Variants in XRN2 observed in about 807,000 individuals in gnomAD.
The protein encoded by XRN2 is 5'-3' exoribonuclease 2, also known as DHM1-like protein.
XRN2 carries 44 observed loss-of-function variants against 138.5 expected under a neutral mutation model. That is an observed-to-expected ratio of 0.32 (90% CI 0.25 to 0.41). The LOEUF (loss-of-function observed/expected upper bound fraction) is 0.41. Ranked by LOEUF, XRN2 falls within the 10% of genes least tolerant of loss-of-function variation. The pLI is 1.00. For missense variants in XRN2, 937 were observed against 1,169.3 expected (o/e 0.80, Z 2.90); for synonymous variants, 354 against 369.4 (o/e 0.96, Z 0.48).
In XRN2 at chr20:21,340,811, C is replaced by A; in HGVS notation, c.1369C>A (p.Pro457Thr). 1 of 1,613,974 alleles carries A rather than the reference C, an allele frequency of 6.2e-7. No individual in the cohort carries two copies. The part of the protein sequence containing the change: ...NSPGSQVASN[P>T]RQAAYEMRMQ... ...ACCAGGTTCTCAAGTAGCCAGTAAT[C>A]CGAGACAAGCAGCCTATGAAATGAG... is the stretch of plus-strand genomic sequence containing the variant. The change falls in exon 15 of 30, where the codon CCG (proline) becomes ACG (threonine). Residue 457 changes from proline (P) to threonine (T), a missense_variant. Physicochemically the swap from Pro to Thr is conservative, Grantham distance 38 (BLOSUM62 -1). Around this residue, in one of 6 missense-constraint regions of XRN2, gnomAD observed 471 missense variants for 581.2 expected, o/e 0.81. Transcript: ENST00000377191.
chr20:21,362,750 A>C (rs115405173), intron 24 of XRN2, among the ~76,000 whole-genome samples: 1 of 152,080 alleles, frequency 6.6e-6, no homozygotes. Context: ...GCCCTTCTCA[A>C]CTGGAGTTCC....
At chr20:21,356,492 C>T (rs2038577288) in intron 22 of XRN2, 94 bp from the exon 23 acceptor site, 5 of 1,139,356 alleles carry the variant, frequency 4.4e-6, no homozygotes, top group Non-Finnish European at 6.3e-6. Flanking sequence ...CCTTTTGGCT[C>T]TTATGAATGA....
intron 1 of XRN2, among the ~76,000 whole-genome samples, chr20:21,322,438 T>C (rs1045053010): frequency 3.9e-5 from 6 of 152,182 alleles, no homozygotes; most frequent in South Asian, 2.1e-4. Flanking sequence ...TCCAAGCTTC[T>C]TTAAGGGAAA....
At chr20:21,326,188 C>A in intron 1 of XRN2, 91 bp from the exon 2 acceptor site, 1 of 1,306,618 alleles carries the variant, frequency 7.7e-7, no homozygotes, top group Non-Finnish European at 1.1e-6. Flanking sequence ...ATTTCCAGTT[C>A]AGAAATGAAA....
At chr20:21,365,377 G>A in intron 24 of XRN2, 44 bp from the exon 25 acceptor site, 1 of 1,583,254 alleles carries the variant, frequency 6.3e-7, no homozygotes, top group Non-Finnish European at 8.6e-7. Context: ...GATAAGACAG[G>A]CTGATATAAT....
rs35050238 is a variant in XRN2 at position 21,365,603 on chromosome 20, C to T, written c.2355C>T (p.Asp785=). 6.3e-3 allele frequency: 10,216 copies of T among 1,613,070 alleles called. 570 individuals are homozygous for T. In the African/African-American group the frequency reaches 0.12, roughly 19 times the overall value. Residue 785 remains aspartate (D), a synonymous_variant, in exon 26 of 30, where the codon GAC becomes GAT. Coordinates refer to ENST00000377191, the MANE Select transcript of XRN2 (RefSeq NM_012255.5). ...CAGCAGCAGTACTGAAACCTAGTGA[C>T]TGGGAAAAATCCAGCAATGGACGGC... The part of the protein sequence containing the change: ...RKPAAVLKPS[D]WEKSSNGRQW...
At chr20:21,310,128 A>T (rs2037860115) in intron 1 of XRN2, among the ~76,000 whole-genome samples, 1 of 152,198 alleles carries the variant, frequency 6.6e-6, no homozygotes, top group African/African-American at 2.4e-5. Flanking sequence ...AGTGTGCCAC[A>T]AATATTAACA....
chr20:21,335,133 A>C (rs189353314), intron 13 of XRN2, among the ~76,000 whole-genome samples: 1 of 152,344 alleles, frequency 6.6e-6, no homozygotes, highest in East Asian at 1.9e-4. Context: ...TCAAGGGGTC[A>C]CAGTGAGATG....
chr20:21,348,032 A>G (rs1316385256), intron 17 of XRN2, 114 bp from the exon 18 acceptor site: 9 of 828,406 alleles, frequency 1.1e-5, no homozygotes, highest in Non-Finnish European at 1.6e-5. Context: ...GCCAGAAGTC[A>G]TGTGTTTTAT....
intron 24 of XRN2, among the ~76,000 whole-genome samples, chr20:21,358,775 T>A (rs1362527277): frequency 6.6e-6 from 1 of 152,064 alleles, no homozygotes; most frequent in Non-Finnish European, 1.5e-5. Context: ...AATTTTTTGT[T>A]TATCTTTACA....
rs760639472 is a variant in XRN2, at chr20:21,382,090, C to T, written c.2648+33C>T. 6 of 1,562,264 alleles carry T rather than the reference C, an allele frequency of 3.8e-6. No homozygotes were observed. In the Admixed American group the frequency reaches 1.1e-4, roughly 28 times the overall value. On this transcript the variant is annotated intron_variant, in intron 28 of 29. Transcript: ENST00000377191. ...TAAAAGTAGACATGACTTTTAAATA[C>T]TTTCTGACACCAACATTTGGGGTTT...
At chr20:21,352,007 A>AT (rs2038516108) in intron 20 of XRN2, among the ~76,000 whole-genome samples, 1 of 152,194 alleles carries the variant, frequency 6.6e-6, no homozygotes, top group African/African-American at 2.4e-5. Flanking sequence ...TTCCAACTTT[A>AT]TTCATATTCA....
chr20:21,335,844 G>A (rs896435474), intron 13 of XRN2, among the ~76,000 whole-genome samples: 6 of 152,184 alleles, frequency 3.9e-5, no homozygotes, highest in African/African-American at 1.2e-4. Context: ...TAATTAATAC[G>A]ATTTTTCAGC....
chr20:21,309,353 C>CTATT (rs776366733), intron 1 of XRN2, among the ~76,000 whole-genome samples: 27 of 152,022 alleles, frequency 1.8e-4, no homozygotes, highest in Non-Finnish European at 4.0e-4. Context: ...TTGAGGTTAC[C>CTATT]TATTTATTTA....
chr20:21,332,152 G>A lies in XRN2; in HGVS notation c.701-131G>A, dbSNP rs866753149. On this transcript the variant is annotated intron_variant, in intron 8 of 29. Coordinates refer to ENST00000377191, the MANE Select transcript of XRN2 (RefSeq NM_012255.5). Reference sequence around the variant, plus strand: ...ACTGGGAAATGCCAGGAAGTGTCAAGCTTTGGGGCTTTGCTGCTCATTTGG... The same window carrying A: ...ACTGGGAAATGCCAGGAAGTGTCAAACTTTGGGGCTTTGCTGCTCATTTGG... 5 of 1,145,726 alleles carry A rather than the reference G, an allele frequency of 4.4e-6. No individual in the cohort carries two copies. In the African/African-American group the frequency reaches 7.8e-5, roughly 18 times the overall value. The allele number at this position is 1,145,726 out of a possible 1,614,324, so 71.0% of individuals were successfully genotyped here. A position where few individuals can be genotyped will look rare whatever the true frequency, so the allele number is the denominator to read the frequency against.
At chr20:21,386,146 A>G (rs1179180552) in intron 28 of XRN2, among the ~76,000 whole-genome samples, 3 of 152,228 alleles carry the variant, frequency 2.0e-5, no homozygotes, top group Admixed American at 2.0e-4. Flanking sequence ...CTTGAAGACA[A>G]TTAAAACATT....
chr20:21,310,909 A>T (rs2037871669), intron 1 of XRN2, among the ~76,000 whole-genome samples: 1 of 151,408 alleles, frequency 6.6e-6, no homozygotes, highest in Non-Finnish European at 1.5e-5. Flanking sequence ...CACGCCCGGC[A>T]AATTTTTTTG....
At position 21,312,441 on chromosome 20, in the gene XRN2, T is replaced by A. The variant is rs149281057; in HGVS notation, c.75+8968T>A. Among the ~76,000 whole-genome samples the A allele has an allele frequency of 2.0e-5, 3 of 152,178 alleles. No homozygotes were observed. The East Asian group carries it at 5.8e-4, about 30-fold the overall frequency. The stretch of plus-strand genomic sequence containing the variant: ...CATTTTATTCCCTTTGCTCACTTAT[T>A]AAGAACTCTTTACTGATTCAGTCAT... On this transcript the variant is annotated intron_variant, in intron 1 of 29. Coordinates refer to ENST00000377191, the MANE Select transcript of XRN2 (RefSeq NM_012255.5).
At chr20:21,308,583 T>C (rs2037835424) in intron 1 of XRN2, among the ~76,000 whole-genome samples, 2 of 152,250 alleles carry the variant, frequency 1.3e-5, no homozygotes, top group Admixed American at 1.3e-4. Context: ...TGGTTTTAAC[T>C]TGCATTTCCT....
Sources: gnomAD v4.1 joint callset for allele counts (sites outside exome capture counted in the v4.1 genomes callset) on GRCh38, gnomAD v4.1.1 for gene constraint, gnomAD v4.1.1 regional missense constraint, MANE v1.5 for transcripts, NCBI Gene and HGNC (gene_info 2026-07-23, HGNC 2026-07-21) for gene names.